NRG1: variants seen among roughly 807,000 people sequenced by gnomAD.
NRG1 encodes pro-neuregulin-1, membrane-bound isoform.
A neutral mutation model predicts 63.8 loss-of-function variants in NRG1; 18 were observed. That is an observed-to-expected ratio of 0.28 (90% CI 0.19 to 0.42). NRG1 has a LOEUF of 0.42. Among genes scored for constraint, NRG1 ranks in the 10% least tolerant of loss-of-function variants. NRG1 has a pLI of 1.00. For missense variants in NRG1, 762 were observed against 814.7 expected (o/e 0.94, Z 0.79); for synonymous variants, 302 against 301.3 (o/e 1.00, Z -0.02).
At chr8:31,777,209 G>T (rs1440143355) in intron 1 of NRG1, among the ~76,000 whole-genome samples, 2 of 152,230 alleles carry the variant, frequency 1.3e-5, no homozygotes. Context: ...GAGCAAGACA[G>T]AGAGCAGCAT....
chr8:32,441,077 T>A (rs1469331516), intron 1 of NRG1: 1 of 152,202 alleles, frequency 6.6e-6, no homozygotes, highest in African/African-American at 2.4e-5. Context: ...CTTTTGTTAG[T>A]TAATAGCTTT....
intron 1 of NRG1, among the ~76,000 whole-genome samples, chr8:32,094,747 C>A (rs999638235): frequency 2.0e-5 from 3 of 151,990 alleles, no homozygotes; most frequent in African/African-American, 7.2e-5. Context: ...AACACCTTGA[C>A]AAAGTGTTTC....
At chr8:32,176,130 A>C (rs111309354) in intron 1 of NRG1, among the ~76,000 whole-genome samples, 1 of 152,190 alleles carries the variant, frequency 6.6e-6, no homozygotes, top group Non-Finnish European at 1.5e-5. Flanking sequence ...CAAAACAGAG[A>C]TATAGACCAA....
intron 1 of NRG1, among the ~76,000 whole-genome samples, chr8:32,532,133 T>C (rs1312503832): frequency 6.6e-6 from 1 of 152,270 alleles, no homozygotes; most frequent in East Asian, 1.9e-4. Context: ...GATTCAATAG[T>C]GTGCCAGTAA....
intron 1 of NRG1, among the ~76,000 whole-genome samples, chr8:32,469,762 G>C (rs186596388): frequency 6.6e-6 from 1 of 152,278 alleles, no homozygotes; most frequent in East Asian, 1.9e-4. Context: ...GGAAGCCCGA[G>C]AATCCTAAGA....
At position 31,828,999 on chromosome 8, in the gene NRG1, C is replaced by T. The variant is rs527924991; in HGVS notation, c.37+189568C>T. ...AGTGCTAGTTACTTGAGCTACAATG[C>T]GGAGACAGGGCCTCTTTGAAGAGCT... On this transcript the variant is annotated intron_variant, in intron 1 of 10. Transcript: ENST00000519301. Among the ~76,000 whole-genome samples, 11 of 152,284 alleles carry T rather than the reference C, an allele frequency of 7.2e-5. No homozygotes were observed. The East Asian group carries it at 1.2e-3, about 16-fold the overall frequency.
intron 1 of NRG1, among the ~76,000 whole-genome samples, chr8:32,075,651 CTTTTTTTTTTTTTTTTTTTT>C (rs200354474): frequency 6.7e-6 from 1 of 150,294 alleles, no homozygotes; most frequent in African/African-American, 2.5e-5. Context: ...ATATTTTAAC[CTTTTTTTTTTTTTTTTTTTT>C]TTTTTTTTTT....
chr8:32,029,778 C>T (rs1403413327), intron 1 of NRG1, among the ~76,000 whole-genome samples: 1 of 151,848 alleles, frequency 6.6e-6, no homozygotes, highest in Non-Finnish European at 1.5e-5. Context: ...TGACCTGAAT[C>T]GTATTAAATA....
chr8:32,674,201 T>C (rs551005725), intron 5 of NRG1, among the ~76,000 whole-genome samples: 42 of 152,174 alleles, frequency 2.8e-4, no homozygotes, highest in South Asian at 6.2e-4. Flanking sequence ...TTTTGACATA[T>C]AAGGGGTTAC....
chr8:32,412,705 C>G (rs1207203439), intron 1 of NRG1, among the ~76,000 whole-genome samples: 5 of 151,614 alleles, frequency 3.3e-5, no homozygotes, highest in Admixed American at 2.6e-4. Flanking sequence ...GAAACCTGTA[C>G]AGCATATTAC....
intron 1 of NRG1, among the ~76,000 whole-genome samples, chr8:32,424,881 C>T (rs1817153735): frequency 6.6e-6 from 1 of 151,856 alleles, no homozygotes; most frequent in Non-Finnish European, 1.5e-5. Context: ...ACAAAACAAA[C>T]AACAAACAAA....
intron 1 of NRG1, among the ~76,000 whole-genome samples, chr8:32,539,829 ATGCC>A (rs1832395962): frequency 6.6e-6 from 1 of 152,220 alleles, no homozygotes; most frequent in Non-Finnish European, 1.5e-5. Flanking sequence ...ACAGAAAGTC[ATGCC>A]ACTGAGATTT....
intron 1 of NRG1, among the ~76,000 whole-genome samples, chr8:32,328,805 C>T (rs775650219): frequency 8.5e-5 from 13 of 152,212 alleles, no homozygotes; most frequent in Non-Finnish European, 1.6e-4. Context: ...AAGCATAAAT[C>T]ATCTTGGAAT....
chr8:32,021,633 T>A (rs1056101996), intron 1 of NRG1, among the ~76,000 whole-genome samples: 1 of 152,098 alleles, frequency 6.6e-6, no homozygotes, highest in Non-Finnish European at 1.5e-5. Context: ...GCTCTACTAA[T>A]GTGTAACCAG....
intron 1 of NRG1, among the ~76,000 whole-genome samples, chr8:31,804,153 G>C (rs768652984): frequency 2.0e-5 from 3 of 151,878 alleles, no homozygotes; most frequent in Non-Finnish European, 4.4e-5. Flanking sequence ...ACAATATCTC[G>C]AGTAACCACC....
chr8:32,754,268 T>C (rs1391778948), intron 7 of NRG1, 104 bp from the exon 8 acceptor site: 9 of 903,866 alleles, frequency 1.0e-5, no homozygotes, highest in African/African-American at 1.6e-5. Flanking sequence ...ATTTATTTTC[T>C]TGTGAACATG....
chr8:32,083,250 T>C lies in NRG1; in HGVS notation c.37+443819T>C, dbSNP rs1827743366. On this transcript the variant is annotated intron_variant, in intron 1 of 10. Transcript: ENST00000519301. Reference sequence around the variant, plus strand: ...AGGTGATGGTTAGGAAACAGAAAATTCCTGAAGCATCTCTTCTTTTTAATG... The same window carrying C: ...AGGTGATGGTTAGGAAACAGAAAATCCCTGAAGCATCTCTTCTTTTTAATG... 2.0e-5 allele frequency among the ~76,000 whole-genome samples: 3 copies of C among 152,194 alleles called. No homozygotes were observed. In the South Asian group the frequency reaches 6.2e-4, roughly 31 times the overall value.
chr8:32,200,582 A>C (rs1843403966), intron 1 of NRG1, among the ~76,000 whole-genome samples: 1 of 152,184 alleles, frequency 6.6e-6, no homozygotes, highest in African/African-American at 2.4e-5. Context: ...AGAACAAGGC[A>C]TTGAGAAGCA....
At chr8:32,003,584 T>C (rs980992172) in intron 1 of NRG1, among the ~76,000 whole-genome samples, 1 of 151,830 alleles carries the variant, frequency 6.6e-6, no homozygotes, top group Admixed American at 6.6e-5. Context: ...GTCCATAAAA[T>C]AGAAATACAA....
Sources: allele counts gnomAD v4.1 joint callset (sites outside exome capture counted in the v4.1 genomes callset), GRCh38; gene constraint gnomAD v4.1.1; transcripts MANE v1.5; gene names NCBI Gene and HGNC (gene_info 2026-07-23, HGNC 2026-07-21).